The following FBXL17 variants were observed in gnomAD, a reference collection of about 807,000 sequenced individuals.
FBXL17 encodes F-box/LRR-repeat protein 17.
A neutral mutation model predicts 66.2 loss-of-function variants in FBXL17; 22 were observed. The ratio of observed to expected loss-of-function variants is 0.33; its 90% confidence interval spans 0.24 to 0.47. FBXL17 has a LOEUF of 0.47. FBXL17 is among the 20% of genes least tolerant of loss of function. The pLI, the probability that FBXL17 is intolerant of heterozygous loss-of-function variation, is 1.00. For missense variants in FBXL17, 878 were observed against 948.2 expected, an observed-to-expected ratio of 0.93 and a Z score of 0.97; for synonymous variants, 474 against 400.5, an observed-to-expected ratio of 1.18 and a Z score of -2.19.
chr5:108,084,075 G>A (rs945806863), intron 6 of FBXL17, among the ~76,000 whole-genome samples: 2 of 152,164 alleles, frequency 1.3e-5, no homozygotes. Flanking sequence ...TTATAAAGTG[G>A]CTTTCTTCTG....
At chr5:108,111,431 A>G (rs1750028590) in intron 6 of FBXL17, among the ~76,000 whole-genome samples, 1 of 85,854 alleles carries the variant, frequency 1.2e-5, no homozygotes. Flanking sequence ...AAGTCAGATT[A>G]TTTTTCTCTA....
intron 5 of FBXL17, among the ~76,000 whole-genome samples, chr5:108,189,897 C>A (rs1025693009): frequency 7.2e-5 from 11 of 152,068 alleles, no homozygotes; most frequent in African/African-American, 2.7e-4. Flanking sequence ...CCACGAGGAA[C>A]TGAATTCTTC....
chr5:107,950,005 T>G (rs1401042960), intron 7 of FBXL17, among the ~76,000 whole-genome samples: 1 of 152,222 alleles, frequency 6.6e-6, no homozygotes, highest in Non-Finnish European at 1.5e-5. Context: ...GTCACTTTGT[T>G]GACTGCTGTC....
intron 6 of FBXL17, among the ~76,000 whole-genome samples, chr5:108,065,365 T>C (rs1235226917): frequency 6.6e-6 from 1 of 152,214 alleles, no homozygotes; most frequent in Non-Finnish European, 1.5e-5. Context: ...TGTAGGAGTT[T>C]AAACAGCTAC....
chr5:108,167,786 T>C (rs993172418), intron 6 of FBXL17, among the ~76,000 whole-genome samples: 3 of 151,896 alleles, frequency 2.0e-5, no homozygotes, highest in Admixed American at 6.6e-5. Flanking sequence ...AAGATCCATA[T>C]TAAAGGGGAA....
chr5:107,955,739 A>G (rs986172294), intron 7 of FBXL17, among the ~76,000 whole-genome samples: 1 of 152,210 alleles, frequency 6.6e-6, no homozygotes, highest in Non-Finnish European at 1.5e-5. Context: ...GCTCAGAGAC[A>G]GAGATTCTCA....
At chr5:107,869,717 G>A (rs193022259) in intron 8 of FBXL17, among the ~76,000 whole-genome samples, 4 of 152,272 alleles carry the variant, frequency 2.6e-5, no homozygotes, top group South Asian at 4.1e-4. Flanking sequence ...TGAGAGCAGG[G>A]AACTAGGAAT....
chr5:108,012,329 C>T (rs1754206637), intron 7 of FBXL17, among the ~76,000 whole-genome samples: 1 of 151,992 alleles, frequency 6.6e-6, no homozygotes, highest in Non-Finnish European at 1.5e-5. Context: ...TAACAATCTC[C>T]CCCTTTCAGC....
At chr5:108,294,487 A>T (rs564250741) in intron 4 of FBXL17, among the ~76,000 whole-genome samples, 9 of 152,100 alleles carry the variant, frequency 5.9e-5, no homozygotes, top group African/African-American at 2.2e-4. Flanking sequence ...CAATCATTAT[A>T]AATATTTTTA....
At chr5:108,279,140 A>G (rs754911748) in intron 4 of FBXL17, among the ~76,000 whole-genome samples, 5 of 152,200 alleles carry the variant, frequency 3.3e-5, no homozygotes, top group Admixed American at 2.6e-4. Context: ...ACTGCCATCA[A>G]CAATGCCATG....
intron 8 of FBXL17, chr5:107,879,929 T>C (rs10067015): frequency 0.84 from 828,569 of 984,582 alleles, 348,970 homozygotes; most frequent in South Asian, 0.91. Flanking sequence ...CAGAGTATCC[T>C]GGGGCCACTG....
intron 6 of FBXL17, among the ~76,000 whole-genome samples, chr5:108,163,448 T>C (rs1297849042): frequency 1.4e-5 from 2 of 144,892 alleles, no homozygotes; most frequent in Admixed American, 7.0e-5. Flanking sequence ...TCGCCCAGGC[T>C]GGAGTGCAGT....
intron 7 of FBXL17, among the ~76,000 whole-genome samples, chr5:108,019,968 A>G (rs1754526588): frequency 6.6e-6 from 1 of 151,948 alleles, no homozygotes; most frequent in Non-Finnish European, 1.5e-5. Flanking sequence ...TTATAGCTTC[A>G]GTAGAGTTTA....
intron 4 of FBXL17, among the ~76,000 whole-genome samples, chr5:108,245,411 T>G (rs1274251098): frequency 6.6e-6 from 1 of 152,294 alleles, no homozygotes. Context: ...TGTATGAATA[T>G]AGAACATTTC....
chr5:108,073,195 T>A (rs1748409629), intron 6 of FBXL17, among the ~76,000 whole-genome samples: 1 of 152,114 alleles, frequency 6.6e-6, no homozygotes, highest in African/African-American at 2.4e-5. Flanking sequence ...CTGGGAAACA[T>A]CTCTTAATGG....
chr5:108,381,581 G>A lies in FBXL17; in HGVS notation c.111C>T (p.Thr37=). ...RRPLLRLPRR[T]PAKVPPQPAA... The stretch of plus-strand genomic sequence containing the variant: ...CCGGCTGAGGGGGCACCTTGGCTGG[G>A]GTCCGGCGGGGCAGCCTGAGGAGAG... Residue 37 remains threonine (T), a synonymous_variant, in exon 1 of 9, where the codon ACC becomes ACT. Transcript: ENST00000542267. 2 of 1,452,402 alleles carry A rather than the reference G, an allele frequency of 1.4e-6. No homozygotes were observed. The highest frequency in any genetic ancestry group is 9.0e-7 in the Non-Finnish European group (1 of 1,109,626). The allele number at this position is 1,452,402 out of a possible 1,614,324, so 90.0% of individuals were successfully genotyped here.
intron 7 of FBXL17, among the ~76,000 whole-genome samples, chr5:107,930,195 C>A (rs1421128109): frequency 6.6e-6 from 1 of 152,168 alleles, no homozygotes; most frequent in East Asian, 1.9e-4. Context: ...CACATTACCA[C>A]GGCCTATATG....
At chr5:108,362,646 A>C (rs1455279120) in intron 3 of FBXL17, among the ~76,000 whole-genome samples, 1 of 152,114 alleles carries the variant, frequency 6.6e-6, no homozygotes, top group Non-Finnish European at 1.5e-5. Flanking sequence ...TGATTTTTTT[A>C]GGTGCTTCAC....
intron 6 of FBXL17, among the ~76,000 whole-genome samples, chr5:108,145,171 G>C (rs1751506729): frequency 6.6e-6 from 1 of 151,966 alleles, no homozygotes; most frequent in African/African-American, 2.4e-5. Flanking sequence ...GATGGATTGA[G>C]GAATATAATT....
Sources: gnomAD v4.1 joint callset for allele counts (sites outside exome capture counted in the v4.1 genomes callset) on GRCh38, gnomAD v4.1.1 for gene constraint, MANE v1.5 for transcripts, NCBI Gene and HGNC (gene_info 2026-07-23, HGNC 2026-07-21) for gene names.